The following PCDHGA7 variants were observed in gnomAD, a reference collection of about 807,000 sequenced individuals.
PCDHGA7 encodes the protein protocadherin gamma subfamily A, 7, also known as protocadherin gamma-A7.
Under a neutral mutation model 58.3 loss-of-function variants are expected in PCDHGA7, and 44 were observed. That is an observed-to-expected ratio of 0.75 (90% confidence interval 0.59 to 0.97). The LOEUF (loss-of-function observed/expected upper bound fraction) is 0.97. Among genes scored for constraint, PCDHGA7 ranks in the 50% least tolerant of loss-of-function variants. PCDHGA7 has a pLI of 0.00. For synonymous variants in PCDHGA7, 516 were observed against 504.2 expected, an observed-to-expected ratio of 1.02 and a Z score of -0.31; for missense variants, 1,266 against 1,188.7, an observed-to-expected ratio of 1.06 and a Z score of -0.96.
At chr5:141,473,810 G>A (rs549204595) in intron 1 of PCDHGA7, among the ~76,000 whole-genome samples, 1 of 152,334 alleles carries the variant, frequency 6.6e-6, no homozygotes, top group South Asian at 2.1e-4. Flanking sequence ...CTGAGGAGCA[G>A]CTGGACAATT....
Position 141,486,740 on chromosome 5 carries a change from T to G in PCDHGA7, c.2425-8067T>G. Reference sequence around the variant, plus strand: ...AGGAGCTGTTCATGCTACTCGATCCTTTGACTATGAGCAAACCCAGACACT... The same window carrying G: ...AGGAGCTGTTCATGCTACTCGATCCGTTGACTATGAGCAAACCCAGACACT... On this transcript the variant is annotated intron_variant, in intron 1 of 3. Transcript: ENST00000518325. This position sits in a 1 kb window ranked among gnomAD's most constrained non-coding sequence, Gnocchi z 5.0. 6.2e-7 allele frequency: 1 copy of G among 1,614,234 alleles called. No individual in the cohort carries two copies. The highest frequency in any genetic ancestry group is 8.5e-7 in the Non-Finnish European group (1 of 1,180,046).
At chr5:141,495,463 G>T (rs1562169154) in intron 2 of PCDHGA7, among the ~76,000 whole-genome samples, 1 of 152,114 alleles carries the variant, frequency 6.6e-6, no homozygotes, top group Non-Finnish European at 1.5e-5. Context: ...TCTGTCTGTG[G>T]GGTCTCCGTG....
rs1259562533 is a variant in PCDHGA7 at position 141,482,788 on chromosome 5, G to T, written c.2425-12019G>T. 2.6e-5 allele frequency among the ~76,000 whole-genome samples: 4 copies of T among 152,184 alleles called. 1 individual carries two copies. Among genetic ancestry groups the T allele is most frequent in the Admixed American group, 2.6e-4 (4 of 15,278 alleles). ...TATCACTGAACCTTAAACTGTGTGTGTGGCCGGGTACGGTGGCTCATGCCT... is the reference window on the plus strand; with the variant it reads ...TATCACTGAACCTTAAACTGTGTGTTTGGCCGGGTACGGTGGCTCATGCCT... On this transcript the variant is annotated intron_variant, in intron 1 of 3. Transcript: ENST00000518325.
At chr5:141,421,972 C>T (rs764728654) in intron 1 of PCDHGA7, 2 of 1,609,892 alleles carry the variant, frequency 1.2e-6, no homozygotes, top group African/African-American at 2.7e-5. Context: ...GTCCGTATAT[C>T]GCGTGAGTGT....
At chr5:141,509,069 G>T (rs1463164307) in intron 3 of PCDHGA7, among the ~76,000 whole-genome samples, 1 of 152,174 alleles carries the variant, frequency 6.6e-6, no homozygotes, top group Non-Finnish European at 1.5e-5. Flanking sequence ...CTCAGCTCCG[G>T]GGATTTGCGA....
chr5:141,480,429 T>A (rs72790066), intron 1 of PCDHGA7, among the ~76,000 whole-genome samples: 9,317 of 151,926 alleles, frequency 0.061, 335 homozygotes, highest in South Asian at 0.12. Context: ...AAAAAAATTA[T>A]CAGCTATTAC....
At chr5:141,418,127 A>G in intron 1 of PCDHGA7, 1 of 1,614,104 alleles carries the variant, frequency 6.2e-7, no homozygotes, top group East Asian at 2.2e-5. Flanking sequence ...GAAGGACCGA[A>G]TAGACCGTGA....
intron 1 of PCDHGA7, chr5:141,393,362 G>C (rs1377325166): frequency 5.0e-6 from 8 of 1,613,978 alleles, no homozygotes; most frequent in Non-Finnish European, 6.8e-6. Context: ...TGGACGTGCA[G>C]ACTGGAGACA....
At chr5:141,420,314 A>C (rs1454977890) in intron 1 of PCDHGA7, 1 of 1,442,690 alleles carries the variant, frequency 6.9e-7, no homozygotes. Flanking sequence ...TTTATATTAC[A>C]ATATGCCAAT....
chr5:141,501,621 A>T (rs1348614977), intron 2 of PCDHGA7, among the ~76,000 whole-genome samples: 1 of 152,100 alleles, frequency 6.6e-6, no homozygotes, highest in Non-Finnish European at 1.5e-5. Context: ...ACTCTGGTAT[A>T]GTCTCTCAAC....
intron 1 of PCDHGA7, chr5:141,426,795 C>G (rs1214340018): frequency 2.2e-6 from 1 of 456,700 alleles, no homozygotes. Context: ...GAGTTACCAG[C>G]TCAGTTCTAA....
rs2097718776 is a variant in PCDHGA7, at chr5:141,434,813, T to C, written c.2424+49490T>C. On this transcript the variant is annotated intron_variant, in intron 1 of 3. Coordinates refer to ENST00000518325, the MANE Select transcript of PCDHGA7 (RefSeq NM_018920.4). ...TTTTTTCTGAGCTTGGAGAAATATA[T>C]CCCTTAGTACACTTGGCATTTATAA... Among the ~76,000 whole-genome samples, 5 of 151,962 alleles carry C rather than the reference T, an allele frequency of 3.3e-5. No individual in the cohort carries two copies. In the South Asian group the frequency reaches 1.0e-3, roughly 32 times the overall value.
chr5:141,501,971 G>A (rs2099812098), intron 2 of PCDHGA7, among the ~76,000 whole-genome samples: 1 of 151,956 alleles, frequency 6.6e-6, no homozygotes. Context: ...CCTAACCTCT[G>A]GCATCTGGTC....
chr5:141,410,682 C>T (rs1589771736), intron 1 of PCDHGA7: 2 of 1,531,954 alleles, frequency 1.3e-6, no homozygotes, highest in South Asian at 1.2e-5. Context: ...ATATTTTAGG[C>T]ATACTACTTT....
intron 1 of PCDHGA7, among the ~76,000 whole-genome samples, chr5:141,386,804 A>T (rs976518864): frequency 6.6e-6 from 1 of 152,238 alleles, no homozygotes; most frequent in Non-Finnish European, 1.5e-5. Context: ...AATTTATTAG[A>T]TGCATAAAAT....
At chr5:141,480,927 C>T (rs1562083028) in intron 1 of PCDHGA7, among the ~76,000 whole-genome samples, 1 of 152,090 alleles carries the variant, frequency 6.6e-6, no homozygotes, top group Non-Finnish European at 1.5e-5. Context: ...TACCTGTAGT[C>T]CCAGCTACTC....
intron 1 of PCDHGA7, chr5:141,399,984 A>C (rs1310810422): frequency 1.2e-6 from 2 of 1,612,296 alleles, no homozygotes; most frequent in Non-Finnish European, 8.5e-7. Context: ...GGCTGCGCAC[A>C]GGAGAGGTGC....
At chr5:141,388,291 A>G (rs571418912) in intron 1 of PCDHGA7, 114 of 1,613,582 alleles carry the variant, frequency 7.1e-5, no homozygotes, top group Non-Finnish European at 2.5e-6. Context: ...TTCACGCAAA[A>G]TTCCTTTGAG....
intron 1 of PCDHGA7, chr5:141,400,388 A>C: frequency 1.9e-6 from 3 of 1,614,066 alleles, no homozygotes; most frequent in Non-Finnish European, 2.5e-6. Context: ...TGTGTTGCAC[A>C]TACAGGAAAG....
Sources: gnomAD v4.1 joint callset for allele counts (sites outside exome capture counted in the v4.1 genomes callset) on GRCh38, gnomAD v4.1.1 for gene constraint, Gnocchi (gnomAD v3.1) non-coding constraint, MANE v1.5 for transcripts, NCBI Gene and HGNC (gene_info 2026-07-23, HGNC 2026-07-21) for gene names.